Variants in DNAJC6 observed in about 807,000 individuals in gnomAD.
The protein encoded by DNAJC6 is DnaJ heat shock protein family (Hsp40) member C6.
A neutral mutation model predicts 110.0 loss-of-function variants in DNAJC6; 34 were observed. That is an observed-to-expected ratio of 0.31 (90% CI 0.24 to 0.41). DNAJC6 has a LOEUF of 0.41. DNAJC6 is among the 10% of genes least tolerant of loss of function. DNAJC6 has a pLI of 1.00. For missense variants in DNAJC6, 1,031 were observed against 1,207.8 expected, an observed-to-expected ratio of 0.85 and a Z score of 2.17; for synonymous variants, 406 against 437.2, an observed-to-expected ratio of 0.93 and a Z score of 0.89.
At chr1:65,370,217 C>T (rs1645692591) in intron 4 of DNAJC6, among the ~76,000 whole-genome samples, 2 of 152,074 alleles carry the variant, frequency 1.3e-5, no homozygotes, top group South Asian at 2.1e-4. Context: ...GAGAGCTTAA[C>T]CATCTGTTTC....
At chr1:65,398,776 C>T (rs926334686) in intron 13 of DNAJC6, 37 bp from the exon 14 acceptor site, 1 of 1,612,176 alleles carries the variant, frequency 6.2e-7, no homozygotes. Flanking sequence ...GTTCTGAGCT[C>T]TCTTGTTCTC....
intron 1 of DNAJC6, among the ~76,000 whole-genome samples, chr1:65,354,731 C>T (rs1008460771): frequency 3.3e-5 from 5 of 152,182 alleles, no homozygotes; most frequent in Non-Finnish European, 7.3e-5. Flanking sequence ...ATAACTGGCA[C>T]ACTAGCATAA....
chr1:65,292,079 C>T (rs978784183), intron 1 of DNAJC6, among the ~76,000 whole-genome samples: 3 of 152,096 alleles, frequency 2.0e-5, no homozygotes, highest in African/African-American at 4.8e-5. Context: ...TACAATGGCG[C>T]GATCTCAACG....
At chr1:65,356,247 T>G (rs1159911616) in intron 1 of DNAJC6, among the ~76,000 whole-genome samples, 6 of 152,148 alleles carry the variant, frequency 3.9e-5, no homozygotes, top group African/African-American at 7.2e-5. Context: ...CTTGGAATCA[T>G]GTACTATGAG....
chr1:65,386,866 A>G lies in DNAJC6; in HGVS notation c.1050A>G (p.Gln350=), dbSNP rs369435600. 4 of 1,614,162 alleles carry G rather than the reference A, an allele frequency of 2.5e-6. No individual in the cohort carries two copies. Among genetic ancestry groups the G allele is most frequent in the Non-Finnish European group, 3.4e-6 (4 of 1,180,020 alleles). Residue 350 remains glutamine, a synonymous_variant, in exon 8 of 19, where the codon CAA becomes CAG. Transcript: ENST00000371069. ...KIFIPLNITV[Q]GDVVVSMYHL... Reference sequence around the variant, plus strand: ...TCATTCCCTTGAACATCACTGTGCAAGGAGACGTGGTTGTTTCCATGTATC... The same window carrying G: ...TCATTCCCTTGAACATCACTGTGCAGGGAGACGTGGTTGTTTCCATGTATC...
At chr1:65,266,709 T>C (rs958659907) in intron 1 of DNAJC6, among the ~76,000 whole-genome samples, 1 of 152,110 alleles carries the variant, frequency 6.6e-6, no homozygotes, top group Non-Finnish European at 1.5e-5. Flanking sequence ...AAAAAATTGC[T>C]TATTTGCCAA....
At chr1:65,372,739 A>G (rs1014141047) in intron 4 of DNAJC6, among the ~76,000 whole-genome samples, 5 of 152,192 alleles carry the variant, frequency 3.3e-5, no homozygotes, top group Non-Finnish European at 7.3e-5. Context: ...GTTCTACTGA[A>G]AAAAGCTGTA....
intron 1 of DNAJC6, chr1:65,298,647 A>G (rs1244249289): frequency 6.6e-6 from 1 of 152,104 alleles, no homozygotes; most frequent in Non-Finnish European, 1.5e-5. Flanking sequence ...AAGATAAACA[A>G]TTTCTTAGCC....
intron 1 of DNAJC6, among the ~76,000 whole-genome samples, chr1:65,362,718 A>C (rs1309722726): frequency 6.6e-6 from 1 of 152,194 alleles, no homozygotes; most frequent in Admixed American, 6.5e-5. Context: ...AACCCAGGTG[A>C]GAATGACTCA....
At position 65,380,427 on chromosome 1, in the gene DNAJC6, C is replaced by CAGGA. The variant is rs1225039817; in HGVS notation, c.666+905_666+908dup. Among the ~76,000 whole-genome samples, 7 of 152,174 alleles carry CAGGA rather than the reference C, an allele frequency of 4.6e-5. 1 individual carries two copies. The highest frequency in any genetic ancestry group is 1.7e-4 in the African/African-American group (7 of 41,438). On this transcript the variant is annotated intron_variant, in intron 5 of 18. Transcript: ENST00000371069. ...TTTCTTGAGAGCCAGTTGGCTAAAA[C>CAGGA]AGGAAAGAAAGTTAAAGAACATTTT... is the stretch of plus-strand genomic sequence containing the variant.
intron 4 of DNAJC6, among the ~76,000 whole-genome samples, chr1:65,373,974 A>C (rs563406851): frequency 6.6e-6 from 1 of 152,256 alleles, no homozygotes; most frequent in South Asian, 2.1e-4. Context: ...TTAGAGATAT[A>C]GGTCTATTTT....
At chr1:65,330,790 A>G (rs773492384) in intron 1 of DNAJC6, among the ~76,000 whole-genome samples, 11 of 152,198 alleles carry the variant, frequency 7.2e-5, no homozygotes, top group Non-Finnish European at 1.6e-4. Flanking sequence ...TCTTGCTCAT[A>G]TAAAAGTCGG....
intron 1 of DNAJC6, among the ~76,000 whole-genome samples, chr1:65,345,170 A>G (rs1474333658): frequency 6.6e-6 from 1 of 151,418 alleles, no homozygotes; most frequent in Non-Finnish European, 1.5e-5. Flanking sequence ...TTTCCACTGA[A>G]CTGATGGAAG....
intron 4 of DNAJC6, among the ~76,000 whole-genome samples, chr1:65,372,149 GT>G (rs1557547285): frequency 2.6e-3 from 97 of 38,030 alleles, no homozygotes; most frequent in Middle Eastern, 0.021. Flanking sequence ...CATTTGGGGT[GT>G]GTGTGTGTGT....
intron 13 of DNAJC6, 69 bp downstream of exon 13, chr1:65,395,101 TATAAAAGCACCCTGTGGGTGCTTTTTTG>T (rs1645964195): frequency 6.9e-7 from 1 of 1,452,014 alleles, no homozygotes; most frequent in Admixed American, 2.6e-5. Context: ...AGTGCTCATA[TATAAAAGCACCCTGTGGGTGCTTTTTTG>T]ATAAAAGCTT....
intron 1 of DNAJC6, among the ~76,000 whole-genome samples, chr1:65,287,226 G>GA (rs1305193695): frequency 3.9e-5 from 6 of 152,118 alleles, no homozygotes; most frequent in African/African-American, 1.4e-4. Flanking sequence ...ATATTTGTGG[G>GA]AAAATTATCT....
At chr1:65,404,768 G>A (rs1468117595) in intron 15 of DNAJC6, among the ~76,000 whole-genome samples, 1 of 152,214 alleles carries the variant, frequency 6.6e-6, no homozygotes, top group African/African-American at 2.4e-5. Flanking sequence ...GGATTACTGA[G>A]TGCAGTAAAT....
intron 1 of DNAJC6, among the ~76,000 whole-genome samples, chr1:65,273,747 A>G (rs1316276117): frequency 6.6e-6 from 1 of 152,194 alleles, no homozygotes; most frequent in East Asian, 1.9e-4. Flanking sequence ...GTAGTGTAAC[A>G]ACATACTTTT....
chr1:65,388,263 C>T, intron 8 of DNAJC6, 73 bp from the exon 9 acceptor site: 1 of 1,386,640 alleles, frequency 7.2e-7, no homozygotes, highest in Non-Finnish European at 1.0e-6. Context: ...GCATGTCTCC[C>T]CAAAATCTAA....
Sources: gnomAD v4.1 joint callset for allele counts (sites outside exome capture counted in the v4.1 genomes callset) on GRCh38, gnomAD v4.1.1 for gene constraint, MANE v1.5 for transcripts, NCBI Gene and HGNC (gene_info 2026-07-23, HGNC 2026-07-21) for gene names.